CTNND2: variants seen among roughly 807,000 people sequenced by gnomAD.
CTNND2 encodes catenin delta-2.
In CTNND2, 22 loss-of-function variants were observed where a neutral mutation model predicts 144.4. The observed-to-expected ratio is 0.15, with a 90% CI of 0.11 to 0.22. CTNND2 has a LOEUF of 0.22. Among genes scored for constraint, CTNND2 ranks in the 10% least tolerant of loss-of-function variants. CTNND2 has a pLI of 1.00. For synonymous variants in CTNND2, 751 were observed against 695.6 expected (o/e 1.08, Z -1.25); for missense variants, 1,353 against 1,618.8 (o/e 0.84, Z 2.82).
chr5:11,074,159 C>T (rs113925814), intron 16 of CTNND2, among the ~76,000 whole-genome samples: 165 of 152,280 alleles, frequency 1.1e-3, no homozygotes, highest in African/African-American at 2.8e-3. Flanking sequence ...TACAGTGCCA[C>T]GTGATCAGTG....
At chr5:11,207,302 G>A (rs2149839785) in intron 10 of CTNND2, among the ~76,000 whole-genome samples, 1 of 151,680 alleles carries the variant, frequency 6.6e-6, no homozygotes, top group East Asian at 1.9e-4. Context: ...GGGTTGATGG[G>A]TGCAGAAAAC....
intron 3 of CTNND2, among the ~76,000 whole-genome samples, chr5:11,419,990 A>G (rs1762238028): frequency 6.6e-6 from 1 of 152,166 alleles, no homozygotes; most frequent in Non-Finnish European, 1.5e-5. Flanking sequence ...AATGTACCTA[A>G]AACATAAGCC....
intron 3 of CTNND2, among the ~76,000 whole-genome samples, chr5:11,444,825 T>C (rs1012518749): frequency 1.5e-4 from 23 of 152,230 alleles, no homozygotes; most frequent in African/African-American, 4.8e-4. Context: ...AAAGTGTCGA[T>C]AAAGCCTTGA....
At chr5:11,129,273 ATATAT>A (rs1294481802) in intron 12 of CTNND2, among the ~76,000 whole-genome samples, 1 of 66,710 alleles carries the variant, frequency 1.5e-5, no homozygotes, top group Admixed American at 2.8e-4. Context: ...ATATATAAAT[ATATAT>A]TATATAAAAA....
At chr5:11,573,362 C>CT (rs1777728448) in intron 2 of CTNND2, among the ~76,000 whole-genome samples, 1 of 152,062 alleles carries the variant, frequency 6.6e-6, no homozygotes, top group African/African-American at 2.4e-5. Flanking sequence ...CCTGGGTGAT[C>CT]TTTTTTCTTA....
At chr5:11,544,785 C>G (rs746651843) in intron 3 of CTNND2, among the ~76,000 whole-genome samples, 22 of 152,024 alleles carry the variant, frequency 1.4e-4, no homozygotes, top group Non-Finnish European at 2.6e-4. Context: ...GAGTTCAAGA[C>G]CAGCCTGGCC....
chr5:11,522,331 T>C (rs1170320696), intron 3 of CTNND2, among the ~76,000 whole-genome samples: 3 of 152,204 alleles, frequency 2.0e-5, no homozygotes, highest in African/African-American at 7.2e-5. Flanking sequence ...CTTGGCTTTG[T>C]AATTTTCACA....
At chr5:11,107,718 G>C (rs12513793) in intron 14 of CTNND2, among the ~76,000 whole-genome samples, 2,578 of 152,298 alleles carry the variant, frequency 0.017, 49 homozygotes, top group African/African-American at 0.048. Context: ...TCAGAATACT[G>C]ACTAACAGTG....
rs549445234 is a variant in CTNND2, at chr5:11,382,746, T to C, written c.1177+1919A>G. On this transcript the variant is annotated intron_variant, in intron 7 of 21. Coordinates refer to ENST00000304623, the MANE Select transcript of CTNND2 (RefSeq NM_001332.4). ...ATCACAACCCCGAAATTCCAAAAGCTGTTTTGCCATCTCTTGACCTAACTG... is the reference window on the plus strand; with the variant it reads ...ATCACAACCCCGAAATTCCAAAAGCCGTTTTGCCATCTCTTGACCTAACTG... 3.2e-4 allele frequency among the ~76,000 whole-genome samples: 48 copies of C among 152,112 alleles called. 1 individual carries two copies. In the South Asian group the frequency reaches 7.9e-3, roughly 25 times the overall value.
chr5:11,363,594 T>G (rs1756671479), intron 8 of CTNND2, among the ~76,000 whole-genome samples: 1 of 152,232 alleles, frequency 6.6e-6, no homozygotes, highest in South Asian at 2.1e-4. Flanking sequence ...GTGGCATTTA[T>G]GATGTCAAAA....
At chr5:11,490,770 T>A (rs183280707) in intron 3 of CTNND2, among the ~76,000 whole-genome samples, 41 of 152,304 alleles carry the variant, frequency 2.7e-4, no homozygotes, top group African/African-American at 9.1e-4. Flanking sequence ...CCTTCAATAA[T>A]CTATAGTACA....
In CTNND2 at chr5:11,904,036, C is replaced by G. The variant is rs1222373942; in HGVS notation, c.-183G>C. ...CGAGCGCCGCGGGCGAGAGGCGGCT[C>G]CCGACGCGAGTGCGCAGCGCCCGGC... On this transcript the variant is annotated 5_prime_UTR_variant, in exon 1 of 22. Transcript: ENST00000304623. The surrounding 1 kb of genome is among the most constrained non-coding windows in gnomAD (Gnocchi z 4.2). 6 of 497,292 alleles carry G rather than the reference C, an allele frequency of 1.2e-5. No homozygotes were observed. In the East Asian group the frequency reaches 2.9e-4, roughly 24 times the overall value. 30.8% of individuals were successfully genotyped at this position (497,292 alleles called of 1,614,324 possible).
intron 1 of CTNND2, among the ~76,000 whole-genome samples, chr5:11,871,728 A>G (rs1005581597): frequency 6.6e-5 from 10 of 152,128 alleles, no homozygotes; most frequent in Non-Finnish European, 1.3e-4. Context: ...AGTATTTTCA[A>G]ATGAAACAAC....
chr5:11,309,722 T>A (rs1225679209), intron 9 of CTNND2, among the ~76,000 whole-genome samples: 1 of 151,950 alleles, frequency 6.6e-6, no homozygotes, highest in Non-Finnish European at 1.5e-5. Flanking sequence ...TTGGGAGGGG[T>A]CGGGGCAGAA....
chr5:11,199,545 A>G lies in CTNND2; in HGVS notation c.1878T>C (p.Asp626=). 6.2e-7 allele frequency: 1 copy of G among 1,614,224 alleles called. No individual in the cohort carries two copies. Among genetic ancestry groups the G allele is most frequent in the Non-Finnish European group, 8.5e-7 (1 of 1,180,028 alleles). ...AGTTTTTCAGGGCAATTTTGTTATCATCGTTGGCCTTCCCATACACCAGGT... is the reference window on the plus strand; with the variant it reads ...AGTTTTTCAGGGCAATTTTGTTATCGTCGTTGGCCTTCCCATACACCAGGT... ...LRNLVYGKAN[D]DNKIALKNCG... The change falls in exon 11 of 22, where the codon GAT becomes GAC. Residue 626 remains aspartate, a synonymous_variant. Transcript: ENST00000304623.
At position 11,479,465 on chromosome 5, in the gene CTNND2, T is replaced by C. The variant is rs150838722; in HGVS notation, c.288-67396A>G. Among the ~76,000 whole-genome samples the C allele has an allele frequency of 5.7e-3, 874 of 152,322 alleles. 8 individuals carry two copies. The highest frequency in any genetic ancestry group is 0.019 in the African/African-American group (786 of 41,576). Reference sequence around the variant, plus strand: ...AATAGTGCTGCAATGAACATACACATGCATGTATCTTTATGATAGAACAAT... The same window carrying C: ...AATAGTGCTGCAATGAACATACACACGCATGTATCTTTATGATAGAACAAT... On this transcript the variant is annotated intron_variant, in intron 3 of 21. Coordinates refer to ENST00000304623, the MANE Select transcript of CTNND2 (RefSeq NM_001332.4).
In CTNND2 at chr5:11,391,015, G is replaced by C. The variant is rs544654185; in HGVS notation, c.613-5786C>G. Among the ~76,000 whole-genome samples, 62 of 152,282 alleles carry C rather than the reference G, an allele frequency of 4.1e-4. 1 individual carries two copies. The highest frequency in any genetic ancestry group is 3.4e-3 in the Middle Eastern group (1 of 294). ...CAGGGCCACAGAGGAGTCAAAATGT[G>C]AATGTGGCCACGGACTGGGGGAGGA... On this transcript the variant is annotated intron_variant, in intron 6 of 21. Transcript: ENST00000304623.
intron 2 of CTNND2, among the ~76,000 whole-genome samples, chr5:11,569,276 C>T (rs1432165849): frequency 6.6e-6 from 1 of 152,090 alleles, no homozygotes; most frequent in Non-Finnish European, 1.5e-5. Flanking sequence ...GCCTAAATCT[C>T]CCCACTATGT....
At chr5:11,561,703 C>G (rs969221764) in intron 3 of CTNND2, among the ~76,000 whole-genome samples, 2 of 152,108 alleles carry the variant, frequency 1.3e-5, no homozygotes, top group African/African-American at 4.8e-5. Context: ...CAAATGCATA[C>G]TGATAATTTT....
Sources: allele counts gnomAD v4.1 joint callset (sites outside exome capture counted in the v4.1 genomes callset), GRCh38; gene constraint gnomAD v4.1.1; non-coding constraint Gnocchi (gnomAD v3.1); transcripts MANE v1.5; gene names NCBI Gene and HGNC (gene_info 2026-07-23, HGNC 2026-07-21).